OXCT1: variants seen among roughly 807,000 people sequenced by gnomAD.
The protein encoded by OXCT1 is 3-oxoacid CoA-transferase 1, also known as succinyl-CoA:3-ketoacid coenzyme A transferase 1, mitochondrial.
A neutral mutation model predicts 69.6 loss-of-function variants in OXCT1; 27 were observed. That is an observed-to-expected ratio of 0.39 (90% CI 0.29 to 0.54). The LOEUF (loss-of-function observed/expected upper bound fraction) is 0.54. Among genes scored for constraint, OXCT1 ranks in the 20% least tolerant of loss-of-function variants. OXCT1 has a pLI of 0.72. For missense variants in OXCT1, 437 were observed against 650.2 expected (o/e 0.67, Z 3.57); for synonymous variants, 202 against 217.8 (o/e 0.93, Z 0.64).
chr5:41,805,921 T>C (rs1746656821), intron 8 of OXCT1, among the ~76,000 whole-genome samples: 1 of 152,070 alleles, frequency 6.6e-6, no homozygotes, highest in Admixed American at 6.6e-5. Context: ...GTTCAGTCTG[T>C]TTGAAGCAAA....
Position 41,853,461 on chromosome 5 carries a change from T to C in OXCT1, c.372A>G (p.Arg124=). ...SYVGENAEFE[R]QYLSGELEVE... ...CTTCTAATTCACCAGATAAGTACTG[T>C]CGTTCAAATTCTGCATTTTCTCCCA... The change falls in exon 4 of 17, where the codon CGA becomes CGG. Residue 124 remains arginine, a synonymous_variant. Transcript: ENST00000196371. 6.2e-7 allele frequency: 1 copy of C among 1,613,968 alleles called. No homozygotes were observed. The highest frequency in any genetic ancestry group is 8.5e-7 in the Non-Finnish European group (1 of 1,179,850).
chr5:41,745,611 G>C (rs529548962), intron 15 of OXCT1, among the ~76,000 whole-genome samples: 1 of 152,126 alleles, frequency 6.6e-6, no homozygotes, highest in Admixed American at 6.6e-5. Flanking sequence ...GAATCCAGGA[G>C]CTGGTTTTTT....
chr5:41,822,637 C>T (rs891134376), intron 7 of OXCT1, among the ~76,000 whole-genome samples: 3 of 152,054 alleles, frequency 2.0e-5, no homozygotes, highest in African/African-American at 7.2e-5. Flanking sequence ...CCATGCCCGG[C>T]TAATTTTTGT....
chr5:41,842,101 A>C (rs1748653378), intron 6 of OXCT1, among the ~76,000 whole-genome samples: 1 of 152,200 alleles, frequency 6.6e-6, no homozygotes, highest in African/African-American at 2.4e-5. Context: ...CCAAGATATA[A>C]ATACTTAGTA....
chr5:41,741,421 G>T (rs774732164), intron 15 of OXCT1, among the ~76,000 whole-genome samples: 1 of 152,158 alleles, frequency 6.6e-6, no homozygotes, highest in Non-Finnish European at 1.5e-5. Context: ...AACCTTTAGT[G>T]AACCTGTCTT....
chr5:41,762,959 A>C lies in OXCT1; in HGVS notation c.1249-759T>G, dbSNP rs1744420039. ...AGTTCTGGAAAAAGCAAGTGTTTCC[A>C]GAGATGATAAAATGATTCTTACTCA... On this transcript the variant is annotated intron_variant, in intron 13 of 16. Transcript: ENST00000196371. This position sits in a 1 kb window ranked among gnomAD's most constrained non-coding sequence, Gnocchi z 4.0. 6.6e-6 allele frequency among the ~76,000 whole-genome samples: 1 copy of C among 152,110 alleles called. No homozygotes were observed. The highest frequency in any genetic ancestry group is 2.1e-4 in the South Asian group (1 of 4,826).
At chr5:41,852,487 A>G (rs1222713860) in intron 4 of OXCT1, among the ~76,000 whole-genome samples, 1 of 152,246 alleles carries the variant, frequency 6.6e-6, no homozygotes, top group Non-Finnish European at 1.5e-5. Flanking sequence ...CTGAGAGCAG[A>G]GCATGTCAAA....
chr5:41,738,431 T>G (rs1037787496), intron 16 of OXCT1, among the ~76,000 whole-genome samples: 1 of 152,170 alleles, frequency 6.6e-6, no homozygotes, highest in African/African-American at 2.4e-5. Context: ...TTTGATCTGA[T>G]GGTTTTATAA....
At chr5:41,773,495 G>A (rs1467616209) in intron 13 of OXCT1, among the ~76,000 whole-genome samples, 1 of 152,000 alleles carries the variant, frequency 6.6e-6, no homozygotes, top group Non-Finnish European at 1.5e-5. Context: ...TACTTGGGAG[G>A]CTGAAGTGGG....
rs945133178 is a variant in OXCT1, at chr5:41,731,524, A to G, written c.*205T>C. The G allele has an allele frequency of 1.1e-6, 1 of 913,970 alleles. No individual in the cohort carries two copies. Among genetic ancestry groups the G allele is most frequent in the South Asian group, 1.9e-5 (1 of 52,170 alleles). 56.6% of individuals were successfully genotyped at this position (913,970 alleles called of 1,614,324 possible). ...AACCTTCTCAGCCTTAACAAATGAG[A>G]TAATTATAAATGCTCCTTTTGCTTT... is the stretch of plus-strand genomic sequence containing the variant. On this transcript the variant is annotated 3_prime_UTR_variant, in exon 17 of 17. Coordinates refer to ENST00000196371, the MANE Select transcript of OXCT1 (RefSeq NM_000436.4).
chr5:41,816,073 T>A (rs1579798667), intron 7 of OXCT1, among the ~76,000 whole-genome samples: 1 of 152,314 alleles, frequency 6.6e-6, no homozygotes, highest in East Asian at 1.9e-4. Flanking sequence ...CTAACAGATT[T>A]GATTTGAATT....
intron 1 of OXCT1, among the ~76,000 whole-genome samples, chr5:41,869,864 A>C (rs1480896355): frequency 6.6e-6 from 1 of 152,030 alleles, no homozygotes; most frequent in East Asian, 1.9e-4. Flanking sequence ...TCGGGGGCGC[A>C]AACCTACCCG....
At chr5:41,843,159 T>A (rs149642301) in intron 5 of OXCT1, among the ~76,000 whole-genome samples, 324 of 152,316 alleles carry the variant, frequency 2.1e-3, no homozygotes, top group African/African-American at 7.4e-3. Context: ...CATAAAATGG[T>A]CTATGTATTG....
chr5:41,780,644 A>G (rs1195691439), intron 13 of OXCT1, among the ~76,000 whole-genome samples: 2 of 152,232 alleles, frequency 1.3e-5, no homozygotes, highest in African/African-American at 4.8e-5. Context: ...ATGAATAGGT[A>G]TAAGAAATAT....
chr5:41,760,935 G>A (rs536765656), intron 14 of OXCT1, among the ~76,000 whole-genome samples: 3 of 152,072 alleles, frequency 2.0e-5, no homozygotes, highest in Non-Finnish European at 2.9e-5. Flanking sequence ...GGAAGCAGGT[G>A]GGATGTGAAT....
At chr5:41,840,644 A>G (rs1748584441) in intron 6 of OXCT1, 133 bp from the exon 7 acceptor site, 13 of 604,128 alleles carry the variant, frequency 2.2e-5, no homozygotes, top group Non-Finnish European at 3.3e-5. Flanking sequence ...AGAGTGTATC[A>G]TATTTTCCAT....
At chr5:41,865,456 C>T (rs1333538839) in intron 1 of OXCT1, among the ~76,000 whole-genome samples, 1 of 152,124 alleles carries the variant, frequency 6.6e-6, no homozygotes, top group Admixed American at 6.5e-5. Flanking sequence ...GAGAAGGGCT[C>T]AAGACAATGA....
chr5:41,749,703 T>C lies in OXCT1; in HGVS notation c.1339-96A>G, dbSNP rs1007707048. ...GGATAAACAGAAACTATCAGAGAAATTGTCTCCTAAGTAAAGACTCTTTCA... is the reference window on the plus strand; with the variant it reads ...GGATAAACAGAAACTATCAGAGAAACTGTCTCCTAAGTAAAGACTCTTTCA... On this transcript the variant is annotated intron_variant, in intron 14 of 16. Transcript: ENST00000196371. 6 of 796,046 alleles carry C rather than the reference T, an allele frequency of 7.5e-6. No individual in the cohort carries two copies. In the Admixed American group the frequency reaches 1.2e-4, roughly 16 times the overall value. The allele number at this position is 796,046 out of a possible 1,614,324, so 49.3% of individuals were successfully genotyped here.
intron 16 of OXCT1, among the ~76,000 whole-genome samples, chr5:41,732,284 G>A (rs1742671760): frequency 6.6e-6 from 1 of 152,146 alleles, no homozygotes; most frequent in African/African-American, 2.4e-5. Flanking sequence ...TTCATAATCA[G>A]AATAGAAATG....
Sources: gnomAD v4.1 joint callset for allele counts (sites outside exome capture counted in the v4.1 genomes callset) on GRCh38, gnomAD v4.1.1 for gene constraint, Gnocchi (gnomAD v3.1) non-coding constraint, MANE v1.5 for transcripts, NCBI Gene and HGNC (gene_info 2026-07-23, HGNC 2026-07-21) for gene names.